Variants in TEX14 observed in about 807,000 individuals in gnomAD.
TEX14 encodes testis expressed 14, intercellular bridge forming factor, also known as inactive serine/threonine-protein kinase TEX14.
In TEX14, 168 loss-of-function variants were observed where a neutral mutation model predicts 178.6. That is an observed-to-expected ratio of 0.94 (90% CI 0.83 to 1.07). The LOEUF (loss-of-function observed/expected upper bound fraction) is 1.07, where lower values mean the gene tolerates loss of function less well. TEX14 is among the 50% of genes least tolerant of loss of function. TEX14 has a pLI of 0.00. For missense variants in TEX14, 1,730 were observed against 1,753.6 expected (o/e 0.99, Z 0.24); for synonymous variants, 626 against 634.1 (o/e 0.99, Z 0.19).
At chr17:58,617,496 A>G in intron 6 of TEX14, 42 bp downstream of exon 6, 1 of 1,449,246 alleles carries the variant, frequency 6.9e-7, no homozygotes, top group Non-Finnish European at 9.7e-7. Flanking sequence ...ATGATTCTCC[A>G]GTTAGTCCTG....
At position 58,585,883 on chromosome 17, in the gene TEX14, T is replaced by A. The variant is rs1415577649; in HGVS notation, c.2988A>T (p.Gly996=). The stretch of plus-strand genomic sequence containing the variant: ...TGCCCGTCTTGTCAAACTTGCCATT[T>A]CCTCTGGGCTCATCATTTTCCCTAT... ...EYHRENDEPR[G]NGKFDKTGNN... Residue 996 remains glycine (G), a synonymous_variant, in exon 18 of 32, where the codon GGA becomes GGT. Transcript: ENST00000349033. 6.2e-7 allele frequency: 1 copy of A among 1,614,060 alleles called. No individual in the cohort carries two copies. Among genetic ancestry groups the A allele is most frequent in the African/African-American group, 1.3e-5 (1 of 75,004 alleles).
At chr17:58,593,887 T>A (rs568651392) in intron 14 of TEX14, among the ~76,000 whole-genome samples, 1 of 152,166 alleles carries the variant, frequency 6.6e-6, no homozygotes, top group East Asian at 1.9e-4. Context: ...CAGGCTGGAG[T>A]GCAGTGGCAA....
chr17:58,679,779 T>A (rs1225450936), intron 1 of TEX14: 2 of 152,130 alleles, frequency 1.3e-5, no homozygotes, highest in Non-Finnish European at 2.9e-5. Context: ...TTAGACCCCC[T>A]AATTTCTGGA....
intron 2 of TEX14, among the ~76,000 whole-genome samples, chr17:58,643,845 A>C (rs2046630387): frequency 7.8e-6 from 1 of 127,964 alleles, no homozygotes; most frequent in Non-Finnish European, 1.6e-5. Flanking sequence ...TCACTCCACC[A>C]GCCTGGGCAA....
intron 1 of TEX14, among the ~76,000 whole-genome samples, chr17:58,671,325 C>A (rs190912484): frequency 4.9e-4 from 74 of 152,342 alleles, no homozygotes; most frequent in Non-Finnish European, 8.5e-4. Flanking sequence ...CATCCCCTAA[C>A]ATATACACAT....
chr17:58,565,900 C>T (rs1397325193), intron 26 of TEX14, 76 bp from the exon 27 acceptor site: 1 of 1,167,742 alleles, frequency 8.6e-7, no homozygotes, highest in Non-Finnish European at 1.2e-6. Flanking sequence ...CAGTGGTTCT[C>T]CAAGGGTGAT....
At position 58,592,396 on chromosome 17, in the gene TEX14, G is replaced by A. The variant is rs557875771; in HGVS notation, c.2576+1159C>T. On this transcript the variant is annotated intron_variant, in intron 15 of 31. Coordinates refer to ENST00000349033, the MANE Select transcript of TEX14 (RefSeq NM_031272.5). ...ATCGCCCAGGCTGGACTGCAGTGGC[G>A]CGATCTCCTCTCACTGCAAGCTCTG... Among the ~76,000 whole-genome samples the A allele has an allele frequency of 3.3e-5, 5 of 150,952 alleles. No individual in the cohort carries two copies. The East Asian group carries it at 5.8e-4, about 18-fold the overall frequency.
Position 58,678,374 on chromosome 17 carries a change from G to A in TEX14, c.-2+13565C>T, listed in dbSNP as rs1182008490. On this transcript the variant is annotated intron_variant, in intron 1 of 31. Transcript: ENST00000349033. ...CATGCTACTATAAAGACACATGCAC[G>A]TGTATGCTTATTGCAGCACTATTCA... Among the ~76,000 whole-genome samples, 3 of 152,070 alleles carry A rather than the reference G, an allele frequency of 2.0e-5. No individual in the cohort carries two copies. In the East Asian group the frequency reaches 5.8e-4, roughly 29 times the overall value.
At chr17:58,666,458 C>CAAACAAAAAAAAAAA (rs1555583923) in intron 1 of TEX14, 2 of 36,834 alleles carry the variant, frequency 5.4e-5, no homozygotes, top group African/African-American at 1.0e-4. Flanking sequence ...CCTTCCACGG[C>CAAACAAAAAAAAAAA]AAAAAAAAAA....
intron 1 of TEX14, among the ~76,000 whole-genome samples, chr17:58,681,930 C>G (rs1270314112): frequency 6.6e-6 from 1 of 152,134 alleles, no homozygotes; most frequent in East Asian, 1.9e-4. Context: ...GTGAACTATA[C>G]TGCCATTACC....
intron 1 of TEX14, among the ~76,000 whole-genome samples, chr17:58,654,760 G>T (rs1419703897): frequency 6.6e-6 from 1 of 151,636 alleles, no homozygotes; most frequent in Non-Finnish European, 1.5e-5. Context: ...GCCCACCTTG[G>T]CCTCCCAAAG....
intron 13 of TEX14, 66 bp from the exon 14 acceptor site, chr17:58,599,732 G>T (rs1238052951): frequency 2.2e-6 from 3 of 1,348,262 alleles, no homozygotes; most frequent in Non-Finnish European, 3.0e-6. Flanking sequence ...AGCAGCCTTG[G>T]CTTGTTCAAG....
At chr17:58,598,352 T>C (rs2144465780) in intron 14 of TEX14, among the ~76,000 whole-genome samples, 1 of 150,970 alleles carries the variant, frequency 6.6e-6, no homozygotes, top group East Asian at 1.9e-4. Context: ...AGAGTCTAGA[T>C]AGCCTCTGGC....
chr17:58,574,222 TG>T lies in TEX14; in HGVS notation c.3347del (p.Ser1116Ter), dbSNP rs1374481035. 1.2e-6 allele frequency: 2 copies of T among 1,613,562 alleles called. No homozygotes were observed. The highest frequency in any genetic ancestry group is 1.7e-6 in the Non-Finnish European group (2 of 1,179,614). ...CTTTCAGTTCCTTTGGTGACTCCTT[TG>T]ATGTCTCTTCTTGTTCATCTTCAGT... Reference protein sequence around the residue: ...RSTEDEQEETSKESPKELKEK... With the variant: ...RSTEDEQEETXKESPKELKEK... On this transcript the variant is annotated frameshift_variant, in exon 22 of 32. Coordinates refer to ENST00000349033, the MANE Select transcript of TEX14 (RefSeq NM_031272.5). LOFTEE classifies it high-confidence loss of function.
At chr17:58,656,412 T>C (rs2046962256) in intron 1 of TEX14, among the ~76,000 whole-genome samples, 1 of 148,006 alleles carries the variant, frequency 6.8e-6, no homozygotes, top group African/African-American at 2.5e-5. Context: ...GCCACTGCAC[T>C]CCAGCCTGGG....
intron 15 of TEX14, 94 bp downstream of exon 15, chr17:58,593,461 T>C (rs780237207): frequency 6.4e-6 from 6 of 940,568 alleles, no homozygotes; most frequent in Middle Eastern, 2.1e-4. Flanking sequence ...ACAGTCCTTT[T>C]GTCACTAGAC....
At chr17:58,629,561 A>T (rs1412782695) in intron 3 of TEX14, among the ~76,000 whole-genome samples, 1 of 151,786 alleles carries the variant, frequency 6.6e-6, no homozygotes, top group East Asian at 1.9e-4. Context: ...ACGGTGGCTC[A>T]CGCCTGTAAT....
At chr17:58,588,676 C>A (rs1212180772) in intron 15 of TEX14, among the ~76,000 whole-genome samples, 1 of 152,194 alleles carries the variant, frequency 6.6e-6, no homozygotes, top group Non-Finnish European at 1.5e-5. Flanking sequence ...AGACCCTGAC[C>A]TACCACTAGG....
chr17:58,586,139 C>T (rs1019958577), intron 17 of TEX14, 57 bp from the exon 18 acceptor site: 2 of 1,521,134 alleles, frequency 1.3e-6, no homozygotes, highest in Non-Finnish European at 1.8e-6. Flanking sequence ...GAAACACAGG[C>T]TTTCATCTAA....
Sources: gnomAD v4.1 joint callset for allele counts (sites outside exome capture counted in the v4.1 genomes callset) on GRCh38, gnomAD v4.1.1 for gene constraint, MANE v1.5 for transcripts, NCBI Gene and HGNC (gene_info 2026-07-23, HGNC 2026-07-21) for gene names.